HOOK3: variants seen among roughly 807,000 people sequenced by gnomAD.
The protein encoded by HOOK3 is protein Hook homolog 3.
HOOK3 carries 24 observed loss-of-function variants against 116.3 expected under a neutral mutation model. The ratio of observed to expected loss-of-function variants is 0.21; its 90% confidence interval spans 0.15 to 0.29. The LOEUF (loss-of-function observed/expected upper bound fraction) is 0.29. HOOK3 is among the 10% of genes least tolerant of loss of function. The probability of loss-of-function intolerance (pLI) is 1.00; values close to 1 mark genes in which losing one functional copy is unlikely to be tolerated. For missense variants in HOOK3, 632 were observed against 830.2 expected, an observed-to-expected ratio of 0.76 and a Z score of 2.93; for synonymous variants, 275 against 283.0, an observed-to-expected ratio of 0.97 and a Z score of 0.28.
chr8:42,940,338 C>G (rs958342687), intron 4 of HOOK3, among the ~76,000 whole-genome samples: 1 of 152,234 alleles, frequency 6.6e-6, no homozygotes, highest in African/African-American at 2.4e-5. Context: ...GAAAACCAGT[C>G]AGGCGTGGCG....
At chr8:42,903,350 T>TTTTTTTTTTTTTTTTTTTTTTTTTC (rs1563287035) in intron 1 of HOOK3, among the ~76,000 whole-genome samples, 27 of 143,618 alleles carry the variant, frequency 1.9e-4, no homozygotes, top group African/African-American at 7.1e-4. Context: ...TTTTTTTTTT[T>TTTTTTTTTTTTTTTTTTTTTTTTTC]TTTTTTTTTT....
chr8:42,969,509 C>T (rs1179560608), intron 11 of HOOK3, among the ~76,000 whole-genome samples: 3 of 152,118 alleles, frequency 2.0e-5, no homozygotes, highest in African/African-American at 7.2e-5. Flanking sequence ...CCTGTGGTCC[C>T]AGCTATTTGG....
rs751630331 is a variant in HOOK3 at position 42,906,157 on chromosome 8, C to CT, written c.58-9dup. ...ACCACAGAATCTCTCCCCCCCCCCT[C>CT]TTTTTTTCCCTTCAGATCCAGACAT... On this transcript the variant is annotated splice_polypyrimidine_tract_variant and intron_variant, in intron 1 of 21. Coordinates refer to ENST00000307602, the MANE Select transcript of HOOK3 (RefSeq NM_032410.4). 2 of 575,628 alleles carry CT rather than the reference C, an allele frequency of 3.5e-6. No homozygotes were observed. The highest frequency in any genetic ancestry group is 2.8e-5 in the South Asian group (2 of 70,472). 35.7% of individuals were successfully genotyped at this position (575,628 alleles called of 1,614,324 possible). A position where few individuals can be genotyped will look rare whatever the true frequency, so the allele number is the denominator to read the frequency against.
In HOOK3 at chr8:43,026,434, T is replaced by C. The variant is rs1341267511; in HGVS notation, c.*7936T>C. The stretch of plus-strand genomic sequence containing the variant: ...TATCTTAGAGTCAGGAATCTAAAGG[T>C]CTAAGTCTAGAAATCTGTTGGAAGC... On this transcript the variant is annotated 3_prime_UTR_variant, in exon 22 of 22. Coordinates refer to ENST00000307602, the MANE Select transcript of HOOK3 (RefSeq NM_032410.4). 4 of 206,860 alleles carry C rather than the reference T, an allele frequency of 1.9e-5. No homozygotes were observed. The highest frequency in any genetic ancestry group is 9.1e-5 in the African/African-American group (4 of 43,902). 12.8% of individuals were successfully genotyped at this position (206,860 alleles called of 1,614,324 possible).
chr8:43,025,776 C>T lies in HOOK3; in HGVS notation c.*7278C>T, dbSNP rs1429885100. On this transcript the variant is annotated 3_prime_UTR_variant, in exon 22 of 22. Transcript: ENST00000307602. The stretch of plus-strand genomic sequence containing the variant: ...TTGGTGTTATCTAGATCTGCTTTAT[C>T]TAGTTTGCAAGCCATAGGCTCAATT... 1 of 214,142 alleles carries T rather than the reference C, an allele frequency of 4.7e-6. No homozygotes were observed. Among genetic ancestry groups the T allele is most frequent in the Non-Finnish European group, 9.4e-6 (1 of 106,274 alleles). 13.3% of individuals were successfully genotyped at this position (214,142 alleles called of 1,614,324 possible). A position where few individuals can be genotyped will look rare whatever the true frequency, so the allele number is the denominator to read the frequency against.
At chr8:42,927,975 C>T (rs1807801227) in intron 3 of HOOK3, among the ~76,000 whole-genome samples, 3 of 152,108 alleles carry the variant, frequency 2.0e-5, no homozygotes, top group South Asian at 4.2e-4. Context: ...GGTGAATCCC[C>T]GTTTCTAGTA....
At chr8:42,950,964 C>T (rs560019118) in intron 6 of HOOK3, among the ~76,000 whole-genome samples, 173 of 152,228 alleles carry the variant, frequency 1.1e-3, no homozygotes, top group Non-Finnish European at 2.2e-3. Context: ...GGATTACAGG[C>T]GTGAGCCATC....
intron 13 of HOOK3, among the ~76,000 whole-genome samples, chr8:42,975,412 T>C (rs892952795): frequency 2.0e-5 from 3 of 152,160 alleles, no homozygotes; most frequent in African/African-American, 7.2e-5. Flanking sequence ...TGTCTATTAG[T>C]AGAGCTGGAG....
rs979180467 is a variant in HOOK3 at position 43,029,691 on chromosome 8, G to T, written c.*11193G>T. 7 of 194,302 alleles carry T rather than the reference G, an allele frequency of 3.6e-5. No individual in the cohort carries two copies. The highest frequency in any genetic ancestry group is 7.5e-5 in the Non-Finnish European group (7 of 93,452). 12.0% of individuals were successfully genotyped at this position (194,302 alleles called of 1,614,324 possible). A position where few individuals can be genotyped will look rare whatever the true frequency, so the allele number is the denominator to read the frequency against. ...ATTCAAACATATCTAATAATAATTTGCCTTAGTTTGATTAATAAATTATAT... is the reference window on the plus strand; with the variant it reads ...ATTCAAACATATCTAATAATAATTTTCCTTAGTTTGATTAATAAATTATAT... On this transcript the variant is annotated 3_prime_UTR_variant, in exon 22 of 22. Transcript: ENST00000307602.
chr8:42,916,354 A>G (rs1029345203), intron 2 of HOOK3, among the ~76,000 whole-genome samples: 5 of 152,332 alleles, frequency 3.3e-5, no homozygotes, highest in Admixed American at 6.5e-5. Flanking sequence ...TTTTCCGTCA[A>G]CATTTTCTCT....
chr8:42,983,429 A>G (rs966070695), intron 14 of HOOK3, among the ~76,000 whole-genome samples: 2 of 152,112 alleles, frequency 1.3e-5, no homozygotes, highest in African/African-American at 4.8e-5. Context: ...CCCCATCTTA[A>G]CTATTCTTCC....
chr8:42,992,129 G>A (rs979022198), intron 15 of HOOK3, among the ~76,000 whole-genome samples: 6 of 152,062 alleles, frequency 3.9e-5, no homozygotes, highest in South Asian at 2.1e-4. Context: ...GGCTGGGCCC[G>A]GTGTTTCATG....
intron 13 of HOOK3, among the ~76,000 whole-genome samples, chr8:42,978,173 T>G (rs1043163981): frequency 9.9e-5 from 15 of 152,222 alleles, no homozygotes; most frequent in African/African-American, 3.6e-4. Flanking sequence ...AAATGTAATA[T>G]AGAAAAAGTT....
chr8:42,925,950 C>T (rs1001724694), intron 3 of HOOK3, among the ~76,000 whole-genome samples: 1 of 152,156 alleles, frequency 6.6e-6, no homozygotes, highest in Non-Finnish European at 1.5e-5. Flanking sequence ...ATTAATATAG[C>T]TTCTACCTCA....
At chr8:42,995,315 T>C (rs1451311706) in intron 15 of HOOK3, among the ~76,000 whole-genome samples, 4 of 152,222 alleles carry the variant, frequency 2.6e-5, no homozygotes, top group Admixed American at 2.6e-4. Flanking sequence ...AAAGTATTTC[T>C]TACTAAGATA....
intron 13 of HOOK3, 119 bp from the exon 14 acceptor site, chr8:42,982,505 CGTG>C: frequency 1.5e-6 from 1 of 675,666 alleles, no homozygotes. Flanking sequence ...ACCACTGTGA[CGTG>C]GTCCTTTACT....
chr8:42,945,959 C>G (rs991306538), intron 5 of HOOK3, among the ~76,000 whole-genome samples: 1 of 152,018 alleles, frequency 6.6e-6, no homozygotes, highest in Admixed American at 6.6e-5. Context: ...AAGTGCTTAT[C>G]TAATCTTAAA....
At chr8:42,973,080 A>G (rs1362010244) in intron 11 of HOOK3, among the ~76,000 whole-genome samples, 2 of 152,222 alleles carry the variant, frequency 1.3e-5, no homozygotes, top group Non-Finnish European at 2.9e-5. Flanking sequence ...ATGATTTTGA[A>G]CATTGTTACA....
chr8:42,976,758 A>AT (rs753428903), intron 13 of HOOK3, among the ~76,000 whole-genome samples: 109 of 152,236 alleles, frequency 7.2e-4, no homozygotes, highest in Non-Finnish European at 1.3e-3. Flanking sequence ...TTAGCCGGGC[A>AT]TGGTGGCGGG....
Sources: allele counts gnomAD v4.1 joint callset (sites outside exome capture counted in the v4.1 genomes callset), GRCh38; gene constraint gnomAD v4.1.1; transcripts MANE v1.5; gene names NCBI Gene and HGNC (gene_info 2026-07-23, HGNC 2026-07-21).